VWA5B1: variants seen among roughly 807,000 people sequenced by gnomAD.
VWA5B1 encodes the protein von Willebrand factor A domain containing 5B1.
VWA5B1 carries 115 observed loss-of-function variants against 118.2 expected under a neutral mutation model. That is an observed-to-expected ratio of 0.97 (90% CI 0.84 to 1.14). The LOEUF (loss-of-function observed/expected upper bound fraction) is 1.14, where lower values mean the gene tolerates loss of function less well. Ranked by LOEUF, VWA5B1 falls within the 50% of genes most tolerant of loss-of-function variation. The pLI is 0.00. For synonymous variants in VWA5B1, 682 were observed against 658.4 expected (o/e 1.04, Z -0.55); for missense variants, 1,596 against 1,603.8 (o/e 1.00, Z 0.08).
intron 2 of VWA5B1, 145 bp downstream of exon 2, chr1:20,310,885 T>C (rs963810901): frequency 3.7e-5 from 45 of 1,227,628 alleles, no homozygotes; most frequent in Non-Finnish European, 4.4e-5. Flanking sequence ...GTGAGATTCT[T>C]TCTGCTTTGC....
At chr1:20,348,450 G>T (rs1570229897) in intron 18 of VWA5B1, 92 bp downstream of exon 18, 1 of 1,328,574 alleles carries the variant, frequency 7.5e-7, no homozygotes, top group East Asian at 2.5e-5. Context: ...GAGGCCCTAG[G>T]ACCACTCTCT....
intron 17 of VWA5B1, among the ~76,000 whole-genome samples, chr1:20,347,597 ACC>A (rs2090033919): frequency 2.6e-5 from 4 of 151,484 alleles, no homozygotes; most frequent in Middle Eastern, 3.2e-3. Flanking sequence ...GCACTACCAC[ACC>A]CAGCTAATTT....
intron 1 of VWA5B1, among the ~76,000 whole-genome samples, chr1:20,291,363 C>T (rs12757899): frequency 4.7e-4 from 56 of 120,374 alleles, no homozygotes; most frequent in African/African-American, 2.4e-3. Context: ...CTTTCTTTCT[C>T]TCTCTCTCTC....
chr1:20,350,345 G>A (rs2090103898), intron 19 of VWA5B1, 115 bp downstream of exon 19: 1 of 1,138,200 alleles, frequency 8.8e-7, no homozygotes, highest in African/African-American at 1.5e-5. Flanking sequence ...AGTCCTCAAA[G>A]CAGCCGTCTG....
rs781383534 is a variant in VWA5B1 at position 20,354,294 on chromosome 1, G to A, written c.*31G>A. On this transcript the variant is annotated 3_prime_UTR_variant, in exon 22 of 22. Coordinates refer to ENST00000289815, the MANE Select transcript of VWA5B1 (RefSeq NM_001039500.3). The stretch of plus-strand genomic sequence containing the variant: ...TGACGGGGAGGCTGGGTGGAGGGAA[G>A]GGTGGGGAGGAGAGGGATGGGCAGG... 5 of 1,462,206 alleles carry A rather than the reference G, an allele frequency of 3.4e-6. No homozygotes were observed. The highest frequency in any genetic ancestry group is 4.6e-6 in the Non-Finnish European group (5 of 1,081,884). The allele number at this position is 1,462,206 out of a possible 1,614,324, so 90.6% of individuals were successfully genotyped here. A position where few individuals can be genotyped will look rare whatever the true frequency, so the allele number is the denominator to read the frequency against.
At position 20,309,050 on chromosome 1, in the gene VWA5B1, G is replaced by A. The variant is rs1186584444; in HGVS notation, c.-26-1526G>A. Among the ~76,000 whole-genome samples the A allele has an allele frequency of 3.3e-5, 5 of 152,154 alleles. No individual in the cohort carries two copies. The South Asian group carries it at 1.0e-3, about 32-fold the overall frequency. ...CCCACCCCACTTCTTCAAGGCATGT[G>A]ATTACTTGGGCGAGGGTCTTGGGAG... On this transcript the variant is annotated intron_variant, in intron 1 of 21. Transcript: ENST00000289815.
intron 8 of VWA5B1, among the ~76,000 whole-genome samples, chr1:20,327,667 G>A (rs373564249): frequency 0.047 from 6,205 of 133,122 alleles, 168 homozygotes; most frequent in Middle Eastern, 0.077. Flanking sequence ...GATGATGATG[G>A]TGGTGGTGGT....
chr1:20,336,525 G>A, intron 13 of VWA5B1, 39 bp downstream of exon 13: 1 of 1,318,656 alleles, frequency 7.6e-7, no homozygotes. Context: ...CTTACATTGA[G>A]CACTTACTAT....
At position 20,332,193 on chromosome 1, in the gene VWA5B1, A is replaced by T. The variant is rs1353971839; in HGVS notation, c.1573-573A>T. On this transcript the variant is annotated intron_variant, in intron 11 of 21. Coordinates refer to ENST00000289815, the MANE Select transcript of VWA5B1 (RefSeq NM_001039500.3). ...GATTTTCTCATTTATAAAATGCTAAACTGGCCAGGTGTGCAGTGGCTCACG... is the reference window on the plus strand; with the variant it reads ...GATTTTCTCATTTATAAAATGCTAATCTGGCCAGGTGTGCAGTGGCTCACG... 3.3e-5 allele frequency among the ~76,000 whole-genome samples: 5 copies of T among 152,136 alleles called. No individual in the cohort carries two copies. In the East Asian group the frequency reaches 9.6e-4, roughly 29 times the overall value.
chr1:20,328,910 T>G (rs1175149564), intron 9 of VWA5B1, among the ~76,000 whole-genome samples: 2 of 152,238 alleles, frequency 1.3e-5, no homozygotes, highest in African/African-American at 4.8e-5. Flanking sequence ...CTTCCAGCCC[T>G]TGTTCTATGC....
chr1:20,351,907 A>G, intron 20 of VWA5B1, 148 bp from the exon 21 acceptor site: 1 of 600,392 alleles, frequency 1.7e-6, no homozygotes, highest in Non-Finnish European at 2.9e-6. Context: ...CTTCGAGCCC[A>G]TGTTTCCAGG....
intron 17 of VWA5B1, among the ~76,000 whole-genome samples, chr1:20,345,992 C>G (rs1462043253): frequency 6.6e-6 from 1 of 152,214 alleles, no homozygotes; most frequent in Admixed American, 6.5e-5. Context: ...CCAGACTTCT[C>G]TCTATGGATA....
At position 20,319,420 on chromosome 1, in the gene VWA5B1, A is replaced by G. The variant is rs1476533988; in HGVS notation, c.880A>G (p.Met294Val). Residue 294 changes from methionine (M) to valine (V), a missense_variant, in exon 7 of 22, where the codon ATG becomes GTG. Coordinates refer to ENST00000289815, the MANE Select transcript of VWA5B1 (RefSeq NM_001039500.3). ...MPHVLIEKGD[M>V]TLGEFDQHLK... ...CCATGTCCTGATAGAGAAAGGGGAC[A>G]TGACCCTGGGAGAGTTTGACCAGCA... 7.7e-6 allele frequency: 12 copies of G among 1,551,668 alleles called. No homozygotes were observed. Among genetic ancestry groups the G allele is most frequent in the South Asian group, 5.9e-5 (5 of 84,068 alleles).
In VWA5B1 at chr1:20,345,716, G is replaced by C. The variant is rs867104139; in HGVS notation, c.2764+123G>C. ...GAGCGGGGTGAGACAGGGCCTAGAA[G>C]CAGAAAGGCCCCCAGTGGATGATTT... On this transcript the variant is annotated intron_variant, in intron 17 of 21. Transcript: ENST00000289815. The C allele has an allele frequency of 2.2e-5, 30 of 1,358,190 alleles. No individual in the cohort carries two copies. The African/African-American group carries it at 4.3e-4, about 20-fold the overall frequency. The allele number at this position is 1,358,190 out of a possible 1,614,324, so 84.1% of individuals were successfully genotyped here.
At chr1:20,325,102 G>T (rs1187024085) in intron 8 of VWA5B1, among the ~76,000 whole-genome samples, 4 of 152,210 alleles carry the variant, frequency 2.6e-5, no homozygotes, top group Admixed American at 2.6e-4. Flanking sequence ...AAACTGAGTC[G>T]CCAAGAGGCT....
At chr1:20,299,089 C>T (rs1192184106) in intron 1 of VWA5B1, among the ~76,000 whole-genome samples, 2 of 152,184 alleles carry the variant, frequency 1.3e-5, no homozygotes, top group Admixed American at 1.3e-4. Flanking sequence ...TCCATGTGAT[C>T]ATACACATAA....
rs1262431536 is a variant in VWA5B1 at position 20,353,982 on chromosome 1, G to A, written c.3367G>A (p.Gly1123Ser). The A allele has an allele frequency of 4.5e-6, 7 of 1,551,776 alleles. No individual in the cohort carries two copies. Among genetic ancestry groups the A allele is most frequent in the Non-Finnish European group, 8.7e-7 (1 of 1,147,032 alleles). The change falls in exon 22 of 22, where the codon GGC becomes AGC. Residue 1123 changes from glycine (G) to serine (S), a missense_variant. Coordinates refer to ENST00000289815, the MANE Select transcript of VWA5B1 (RefSeq NM_001039500.3). ...DSFSLEPLAK[G>S]KLGLEPRAVV... ...CTTCTCCCTGGAGCCTCTGGCCAAGGGCAAGCTGGGCCTGGAGCCGAGGGC... is the reference window on the plus strand; with the variant it reads ...CTTCTCCCTGGAGCCTCTGGCCAAGAGCAAGCTGGGCCTGGAGCCGAGGGC...
rs568864865 is a variant in VWA5B1 at position 20,340,853 on chromosome 1, C to T, written c.2134-1579C>T. 3.3e-5 allele frequency among the ~76,000 whole-genome samples: 5 copies of T among 152,328 alleles called. No homozygotes were observed. In the East Asian group the frequency reaches 9.6e-4, roughly 29 times the overall value. On this transcript the variant is annotated intron_variant, in intron 14 of 21. Coordinates refer to ENST00000289815, the MANE Select transcript of VWA5B1 (RefSeq NM_001039500.3). ...CTACACACACAAACACATGCATACA[C>T]TATACACGTATGTATTTTTAATAAT...
intron 5 of VWA5B1, chr1:20,318,351 G>A (rs560315236): frequency 1.4e-4 from 82 of 584,916 alleles, no homozygotes; most frequent in African/African-American, 1.2e-3. Context: ...CAACTCCTCC[G>A]ACCCCCACTA....
Sources: allele counts gnomAD v4.1 joint callset (sites outside exome capture counted in the v4.1 genomes callset), GRCh38; gene constraint gnomAD v4.1.1; transcripts MANE v1.5; gene names NCBI Gene and HGNC (gene_info 2026-07-23, HGNC 2026-07-21).